The following COL25A1 variants were observed in gnomAD, a reference collection of about 807,000 sequenced individuals.
COL25A1 encodes collagen alpha-1(XXV) chain.
A neutral mutation model predicts 128.4 loss-of-function variants in COL25A1; 103 were observed. The ratio of observed to expected loss-of-function variants is 0.80; its 90% CI spans 0.68 to 0.94. The LOEUF is 0.94. Among genes scored for constraint, COL25A1 ranks in the 40% least tolerant of loss-of-function variants. The pLI is 0.00. For synonymous variants in COL25A1, 279 were observed against 277.2 expected (o/e 1.01, Z -0.06); for missense variants, 745 against 840.0 (o/e 0.89, Z 1.40).
At chr4:109,242,668 TAG>T (rs1468155860) in intron 3 of COL25A1, among the ~76,000 whole-genome samples, 2 of 152,110 alleles carry the variant, frequency 1.3e-5, no homozygotes, top group Non-Finnish European at 2.9e-5. Context: ...TTTATAAAAA[TAG>T]ATAGAAGTGA....
intron 35 of COL25A1, 78 bp from the exon 36 acceptor site, chr4:108,819,407 C>T: frequency 8.3e-7 from 1 of 1,204,662 alleles, no homozygotes; most frequent in Non-Finnish European, 1.2e-6. Context: ...GAAGTAACTA[C>T]AACAACAAAG....
intron 5 of COL25A1, among the ~76,000 whole-genome samples, chr4:109,023,256 C>T (rs1757933266): frequency 6.6e-6 from 1 of 152,166 alleles, no homozygotes; most frequent in African/African-American, 2.4e-5. Context: ...TCAAAGTATA[C>T]TGATATGCCA....
chr4:108,937,842 C>T lies in COL25A1; in HGVS notation c.674G>A (p.Gly225Asp). 1 of 1,604,364 alleles carries T rather than the reference C, an allele frequency of 6.2e-7. No homozygotes were observed. Among genetic ancestry groups the T allele is most frequent in the East Asian group, 2.2e-5 (1 of 44,672 alleles). The change falls in exon 11 of 38, where the codon GGT (glycine) becomes GAT (aspartate). Residue 225 changes from glycine (G) to aspartate (D), a missense_variant and splice_region_variant. Physicochemically the swap from Gly to Asp is moderately conservative, Grantham distance 94. Around this residue, in one of 3 missense-constraint regions of COL25A1, gnomAD observed 319 missense variants for 324.9 expected, o/e 0.98. Transcript: ENST00000399132. ...TTGTTCTCCTGGCTTTCCTGGTTCACCCTTAAAAAAGAATAGTGATAATTT... is the reference window on the plus strand; with the variant it reads ...TTGTTCTCCTGGCTTTCCTGGTTCATCCTTAAAAAAGAATAGTGATAATTT... ...DGPRGMPGVP[G>D]EPGKPGEQGL...
At chr4:109,175,074 C>A (rs1773964498) in intron 3 of COL25A1, among the ~76,000 whole-genome samples, 1 of 152,148 alleles carries the variant, frequency 6.6e-6, no homozygotes, top group Admixed American at 6.5e-5. Context: ...CCATTGCCCA[C>A]CCACTCCCAT....
chr4:108,830,649 T>G (rs1732987317), intron 32 of COL25A1, among the ~76,000 whole-genome samples: 1 of 152,260 alleles, frequency 6.6e-6, no homozygotes, highest in African/African-American at 2.4e-5. Context: ...TGACTGAAAC[T>G]ATGCCTTCAA....
intron 36 of COL25A1, among the ~76,000 whole-genome samples, chr4:108,818,351 T>C (rs1731442038): frequency 6.6e-6 from 1 of 152,118 alleles, no homozygotes. Flanking sequence ...TAAAGAATCA[T>C]GCTTATACCT....
In COL25A1 at chr4:109,211,348, A is replaced by G. The variant is rs575487007; in HGVS notation, c.367+89235T>C. Among the ~76,000 whole-genome samples, 7 of 144,696 alleles carry G rather than the reference A, an allele frequency of 4.8e-5. No individual in the cohort carries two copies. The South Asian group carries it at 6.7e-4, about 14-fold the overall frequency. The allele number at this position is 144,696 out of a possible 152,430, so 94.9% of individuals were successfully genotyped here. A position where few individuals can be genotyped will look rare whatever the true frequency, so the allele number is the denominator to read the frequency against. ...TATATATGAAACAATTAAAAATACA[A>G]AAAGTATTTTTTAAAGCCTCCCAGT... On this transcript the variant is annotated intron_variant, in intron 3 of 37. Transcript: ENST00000399132.
intron 3 of COL25A1, among the ~76,000 whole-genome samples, chr4:109,146,382 T>C (rs934022185): frequency 6.6e-6 from 1 of 152,226 alleles, no homozygotes; most frequent in African/African-American, 2.4e-5. Flanking sequence ...AAAATCATTA[T>C]ATGACAATGT....
At chr4:108,864,315 G>T (rs1737619264) in intron 20 of COL25A1, among the ~76,000 whole-genome samples, 1 of 152,148 alleles carries the variant, frequency 6.6e-6, no homozygotes, top group Admixed American at 6.5e-5. Context: ...CTGGCAAGAA[G>T]CATGGCAAAG....
At chr4:109,102,460 C>T (rs529376656) in intron 3 of COL25A1, among the ~76,000 whole-genome samples, 84 of 152,158 alleles carry the variant, frequency 5.5e-4, no homozygotes, top group African/African-American at 2.0e-3. Context: ...TGCACTTAAA[C>T]AGACTCTTCT....
At chr4:109,261,948 C>T (rs1053502453) in intron 3 of COL25A1, among the ~76,000 whole-genome samples, 2 of 151,750 alleles carry the variant, frequency 1.3e-5, no homozygotes, top group Non-Finnish European at 2.9e-5. Flanking sequence ...CTGCCTTTCT[C>T]GGCCTCCCAA....
chr4:108,852,040 A>G (rs1735844954), intron 26 of COL25A1, among the ~76,000 whole-genome samples, 196 bp downstream of exon 26: 1 of 150,688 alleles, frequency 6.6e-6, no homozygotes, highest in Non-Finnish European at 1.5e-5. Context: ...TTCTTTTCCT[A>G]TTTTCCCTTC....
intron 26 of COL25A1, among the ~76,000 whole-genome samples, chr4:108,851,557 C>T (rs1560747653): frequency 6.6e-6 from 1 of 152,100 alleles, no homozygotes; most frequent in African/African-American, 2.4e-5. Context: ...TATTTCAACA[C>T]ATGTAGCTCA....
chr4:109,212,650 T>C (rs1777668125), intron 3 of COL25A1, among the ~76,000 whole-genome samples: 2 of 152,104 alleles, frequency 1.3e-5, no homozygotes, highest in Admixed American at 6.6e-5. Flanking sequence ...CACAAATGAC[T>C]GTGGAGGAAA....
intron 3 of COL25A1, among the ~76,000 whole-genome samples, chr4:109,109,025 C>T (rs1235676377): frequency 6.6e-6 from 1 of 152,106 alleles, no homozygotes; most frequent in Non-Finnish European, 1.5e-5. Context: ...ACTTTATATA[C>T]ACTTTAAAAA....
chr4:109,267,973 A>G (rs1259845941), intron 3 of COL25A1, among the ~76,000 whole-genome samples: 1 of 151,974 alleles, frequency 6.6e-6, no homozygotes, highest in Non-Finnish European at 1.5e-5. Context: ...CATTATTACA[A>G]AAAAAAATTT....
chr4:109,086,900 A>G (rs945951847), intron 3 of COL25A1, among the ~76,000 whole-genome samples: 1 of 152,210 alleles, frequency 6.6e-6, no homozygotes, highest in Non-Finnish European at 1.5e-5. Context: ...ACCGCAAATA[A>G]GTTCATTGAT....
At chr4:108,937,723 G>T in intron 11 of COL25A1, 85 bp downstream of exon 11, 2 of 1,155,928 alleles carry the variant, frequency 1.7e-6, no homozygotes, top group South Asian at 1.4e-5. Context: ...TCTGTCATAT[G>T]ACAGATACAT....
intron 3 of COL25A1, among the ~76,000 whole-genome samples, chr4:109,280,661 T>G (rs758628877): frequency 2.2e-5 from 3 of 138,794 alleles, no homozygotes; most frequent in East Asian, 2.3e-4. Context: ...TTTTGTTTTG[T>G]TTTTTTTTTG....
Sources: gnomAD v4.1 joint callset for allele counts (sites outside exome capture counted in the v4.1 genomes callset) on GRCh38, gnomAD v4.1.1 for gene constraint, gnomAD v4.1.1 regional missense constraint, MANE v1.5 for transcripts, NCBI Gene and HGNC (gene_info 2026-07-23, HGNC 2026-07-21) for gene names.